Variants in SLC9B2 observed in about 807,000 individuals in gnomAD.
SLC9B2 encodes the protein sodium/hydrogen exchanger 9B2.
A neutral mutation model predicts 52.2 loss-of-function variants in SLC9B2; 39 were observed. The ratio of observed to expected loss-of-function variants is 0.75; its 90% CI spans 0.58 to 0.98. The LOEUF is 0.98. Ranked by LOEUF, SLC9B2 falls within the 50% of genes least tolerant of loss-of-function variation. The probability of loss-of-function intolerance (pLI) is 0.00; values close to 1 mark genes in which losing one functional copy is unlikely to be tolerated. For missense variants in SLC9B2, 626 were observed against 637.5 expected (o/e 0.98, Z 0.19); for synonymous variants, 214 against 227.0 (o/e 0.94, Z 0.51).
intron 2 of SLC9B2, 120 bp from the exon 3 acceptor site, chr4:103,066,627 G>T: frequency 1.0e-6 from 1 of 961,280 alleles, no homozygotes. Context: ...ATAACACTTT[G>T]TAGAAAAAAC....
chr4:103,065,203 C>CAT (rs2110656711), intron 3 of SLC9B2, among the ~76,000 whole-genome samples: 1 of 151,142 alleles, frequency 6.6e-6, no homozygotes, highest in African/African-American at 2.4e-5. Flanking sequence ...CACACACACA[C>CAT]ACACATATAA....
intron 3 of SLC9B2, among the ~76,000 whole-genome samples, chr4:103,066,071 G>A (rs1746097154): frequency 6.6e-6 from 1 of 152,192 alleles, no homozygotes; most frequent in Non-Finnish European, 1.5e-5. Flanking sequence ...TCCTTGATCT[G>A]TGTTCCTTCC....
intron 3 of SLC9B2, among the ~76,000 whole-genome samples, chr4:103,064,560 G>A (rs1252103525): frequency 6.6e-6 from 1 of 152,142 alleles, no homozygotes; most frequent in East Asian, 1.9e-4. Context: ...TAGATAGGAA[G>A]AGTAGTTTGT....
Position 103,031,777 on chromosome 4 carries a change from C to T in SLC9B2, c.1178G>A (p.Trp393Ter). 3 of 1,612,646 alleles carry T rather than the reference C, an allele frequency of 1.9e-6. No individual in the cohort carries two copies. The highest frequency in any genetic ancestry group is 2.2e-5 in the South Asian group (2 of 91,014). The stretch of plus-strand genomic sequence containing the variant: ...AAAAAGAAGGGGCTGAAAAATGTCC[C>T]AGGCAACTGCAATTATCTTTTCAAC... ...AEVEKIIAVA[W>*]DIFQPLLFGL... Residue 393 changes from tryptophan (W) to a stop codon, truncating the protein, a stop_gained, in exon 10 of 12, where the codon TGG becomes TAG. Transcript: ENST00000394785. LOFTEE classifies it high-confidence loss of function.
At chr4:103,041,805 A>G (rs549220183) in intron 9 of SLC9B2, among the ~76,000 whole-genome samples, 2 of 152,256 alleles carry the variant, frequency 1.3e-5, no homozygotes, top group East Asian at 3.9e-4. Context: ...AGTCAAATTA[A>G]TCTGAGCTTA....
intron 3 of SLC9B2, among the ~76,000 whole-genome samples, chr4:103,058,504 C>G (rs1479847374): frequency 1.3e-5 from 2 of 152,166 alleles, no homozygotes; most frequent in Non-Finnish European, 2.9e-5. Flanking sequence ...CTCAAGTGAT[C>G]ATCCTGCCTC....
Position 103,034,927 on chromosome 4 carries a change from G to A in SLC9B2, c.1147-3119C>T, listed in dbSNP as rs189735842. On this transcript the variant is annotated intron_variant, in intron 9 of 11. Coordinates refer to ENST00000394785, the MANE Select transcript of SLC9B2 (RefSeq NM_178833.7). ...ATTTGAGCTTGTGGAAGTAAACTGC[G>A]TGACCAAATGTCAAATGAAACATAA... Among the ~76,000 whole-genome samples the A allele has an allele frequency of 4.2e-3, 632 of 152,022 alleles. 3 individuals are homozygous for A. Among genetic ancestry groups the A allele is most frequent in the Non-Finnish European group, 4.5e-3 (306 of 67,992 alleles).
At chr4:103,040,649 T>C (rs1743552949) in intron 9 of SLC9B2, among the ~76,000 whole-genome samples, 1 of 152,130 alleles carries the variant, frequency 6.6e-6, no homozygotes, top group Non-Finnish European at 1.5e-5. Flanking sequence ...CATTATACTT[T>C]GGAAGATAAT....
chr4:103,066,966 T>C (rs1746187559), intron 2 of SLC9B2, among the ~76,000 whole-genome samples: 1 of 151,498 alleles, frequency 6.6e-6, no homozygotes, highest in African/African-American at 2.4e-5. Flanking sequence ...CTGCAAGATA[T>C]CTCATTAGGT....
chr4:103,038,475 GTTT>G (rs950994510), intron 9 of SLC9B2, among the ~76,000 whole-genome samples: 39 of 152,214 alleles, frequency 2.6e-4, no homozygotes, highest in African/African-American at 9.1e-4. Flanking sequence ...CTTCTTGTGG[GTTT>G]TTCATAATGT....
At chr4:103,062,908 C>T (rs1370193608) in intron 3 of SLC9B2, among the ~76,000 whole-genome samples, 1 of 152,140 alleles carries the variant, frequency 6.6e-6, no homozygotes, top group Non-Finnish European at 1.5e-5. Flanking sequence ...CTGTGCCCAG[C>T]CTACTTTTTA....
intron 7 of SLC9B2, among the ~76,000 whole-genome samples, chr4:103,046,155 A>C (rs1001781893): frequency 6.6e-6 from 1 of 152,198 alleles, no homozygotes; most frequent in Non-Finnish European, 1.5e-5. Context: ...GAATGGGGAG[A>C]TAACTATAGG....
chr4:103,061,280 C>G (rs113225144), intron 3 of SLC9B2, among the ~76,000 whole-genome samples: 1 of 152,034 alleles, frequency 6.6e-6, no homozygotes, highest in Non-Finnish European at 1.5e-5. Context: ...CAATGATAGA[C>G]TGGATTAAGA....
chr4:103,042,269 G>C (rs999310220), intron 9 of SLC9B2: 1 of 151,954 alleles, frequency 6.6e-6, no homozygotes, highest in Non-Finnish European at 1.5e-5. Flanking sequence ...ATTTTGAACA[G>C]TTGTCTTCAG....
intron 6 of SLC9B2, 131 bp from the exon 7 acceptor site, chr4:103,047,357 G>T: frequency 8.9e-6 from 7 of 783,734 alleles, no homozygotes; most frequent in South Asian, 5.3e-5. Context: ...TCTAAATTAA[G>T]AAAACAAACT....
In SLC9B2 at chr4:103,028,931, A is replaced by C. The variant is rs751356343; in HGVS notation, c.1256-48T>G. ...AGAAATAATAAAATACTAGGAGAGA[A>C]ACTGCATCTCATGGTTACTAATTCA... On this transcript the variant is annotated intron_variant, in intron 10 of 11. Transcript: ENST00000394785. 2.1e-6 allele frequency: 3 copies of C among 1,432,894 alleles called. No individual in the cohort carries two copies. The Admixed American group carries it at 8.2e-5, about 39-fold the overall frequency. The allele number at this position is 1,432,894 out of a possible 1,614,324, so 88.8% of individuals were successfully genotyped here. A position where few individuals can be genotyped will look rare whatever the true frequency, so the allele number is the denominator to read the frequency against.
In SLC9B2 at chr4:103,025,943, T is replaced by C. The variant is rs891420328; in HGVS notation, c.*427A>G. The C allele has an allele frequency of 6.5e-6, 1 of 153,790 alleles. No individual in the cohort carries two copies. Among genetic ancestry groups the C allele is most frequent in the African/African-American group, 2.4e-5 (1 of 41,412 alleles). The allele number at this position is 153,790 out of a possible 1,614,324, so 9.5% of individuals were successfully genotyped here. ...ATTAATGAGAGACTGCATTATGATG[T>C]TTAACAACAAAAACAGATCCAAAAA... On this transcript the variant is annotated 3_prime_UTR_variant, in exon 12 of 12. Transcript: ENST00000394785.
At chr4:103,067,839 T>C (rs1746284292) in intron 1 of SLC9B2, among the ~76,000 whole-genome samples, 1 of 152,208 alleles carries the variant, frequency 6.6e-6, no homozygotes, top group Non-Finnish European at 1.5e-5. Flanking sequence ...TATGATTTCT[T>C]TCCCATATTA....
At chr4:103,066,608 G>A (rs1447784954) in intron 2 of SLC9B2, 101 bp from the exon 3 acceptor site, 2 of 1,120,740 alleles carry the variant, frequency 1.8e-6, no homozygotes, top group Non-Finnish European at 2.5e-6. Context: ...TCTATGACTA[G>A]CATCAAGGAT....
Sources: allele counts gnomAD v4.1 joint callset (sites outside exome capture counted in the v4.1 genomes callset), GRCh38; gene constraint gnomAD v4.1.1; transcripts MANE v1.5; gene names NCBI Gene and HGNC (gene_info 2026-07-23, HGNC 2026-07-21).